The following CHIC1 variants were observed in gnomAD, a reference collection of about 807,000 sequenced individuals.
The protein encoded by CHIC1 is cysteine rich hydrophobic domain 1.
A neutral mutation model predicts 18.5 loss-of-function variants in CHIC1; 7 were observed. That is an observed-to-expected ratio of 0.38 (90% CI 0.22 to 0.71). The LOEUF is 0.71. Ranked by LOEUF, CHIC1 falls within the 30% of genes least tolerant of loss-of-function variation. The pLI is 0.49. For synonymous variants in CHIC1, 77 were observed against 73.5 expected, an observed-to-expected ratio of 1.05 and a Z score of -0.25; for missense variants, 159 against 176.9, an observed-to-expected ratio of 0.90 and a Z score of 0.57.
chrX:73,640,537 ATTAG>A (rs761390413), intron 3 of CHIC1, among the ~76,000 whole-genome samples: 1 of 111,397 alleles, frequency 9.0e-6, no homozygotes, highest in African/African-American at 3.3e-5. Flanking sequence ...AGAACTTGTT[ATTAG>A]TTAGTTCAGG....
rs776130498 is a variant in CHIC1, at chrX:73,563,464, GGAGGAGGAGGAA to G, written c.194_205del (p.Glu65_Glu68del). On this transcript the variant is annotated inframe_deletion, in exon 1 of 6. Coordinates refer to ENST00000373502, the MANE Select transcript of CHIC1 (RefSeq NM_001039840.4). ...AGGAAGAGGAGGAGGAGGAAGAAGAGGAGGAGGAGGAAGAGGAGGAGGAAGCGCCGCCCCCGC... is the reference window on the plus strand; with the variant it reads ...AGGAAGAGGAGGAGGAGGAAGAAGAGGAGGAGGAGGAAGCGCCGCCCCCGC... 5.4e-5 allele frequency: 62 copies of G among 1,151,405 alleles called. No homozygotes were observed. The highest frequency in any genetic ancestry group is 1.5e-4 in the African/African-American group (8 of 55,050). The allele number at this position is 1,151,405 out of a possible 1,213,427, so 94.9% of individuals were successfully genotyped here.
At chrX:73,648,897 A>T (rs1244708044) in intron 3 of CHIC1, among the ~76,000 whole-genome samples, 1 of 111,518 alleles carries the variant, frequency 9.0e-6, no homozygotes, top group Non-Finnish European at 1.9e-5. Flanking sequence ...ACACATGATC[A>T]TCAGACTCTC....
intron 4 of CHIC1, 55 bp from the exon 5 acceptor site, chrX:73,679,599 G>A (rs1245327972): frequency 1.3e-6 from 1 of 771,740 alleles, no homozygotes; most frequent in African/African-American, 2.1e-5. Context: ...AAATGTATAG[G>A]TTGTAATTAG....
intron 3 of CHIC1, among the ~76,000 whole-genome samples, chrX:73,594,595 G>A (rs776218331): frequency 5.3e-5 from 6 of 112,218 alleles, no homozygotes; most frequent in Non-Finnish European, 1.1e-4. Context: ...ATTTTACTCA[G>A]TAGTGTGCCT....
At chrX:73,651,064 A>G (rs2057913936) in intron 3 of CHIC1, among the ~76,000 whole-genome samples, 1 of 112,206 alleles carries the variant, frequency 8.9e-6, no homozygotes. Context: ...AATCCATCAC[A>G]TAAACAGAAC....
At chrX:73,596,197 A>G (rs997822842) in intron 3 of CHIC1, among the ~76,000 whole-genome samples, 3 of 111,696 alleles carry the variant, frequency 2.7e-5, no homozygotes, top group South Asian at 3.7e-4. Context: ...TACAAAATCA[A>G]TGTGCAAAAA....
chrX:73,642,158 T>C (rs369003124), intron 3 of CHIC1, among the ~76,000 whole-genome samples: 13 of 111,583 alleles, frequency 1.2e-4, no homozygotes, highest in Admixed American at 7.6e-4. Flanking sequence ...GTTCCTATTT[T>C]TCCACATCCT....
At chrX:73,603,046 G>A (rs2057659944) in intron 3 of CHIC1, among the ~76,000 whole-genome samples, 1 of 108,722 alleles carries the variant, frequency 9.2e-6, no homozygotes, top group Admixed American at 9.7e-5. Context: ...CTACTTCTGT[G>A]AAGAATGTTA....
At chrX:73,674,008 A>G (rs753005115) in intron 3 of CHIC1, among the ~76,000 whole-genome samples, 1 of 111,945 alleles carries the variant, frequency 8.9e-6, no homozygotes, top group African/African-American at 3.2e-5. Context: ...TGCGATAATC[A>G]TGTAGTTTTT....
intron 3 of CHIC1, among the ~76,000 whole-genome samples, chrX:73,611,852 C>T (rs1569502544): frequency 9.2e-6 from 1 of 108,160 alleles, no homozygotes; most frequent in Non-Finnish European, 1.9e-5. Context: ...CCTTTGCCCA[C>T]TTTTTGATGA....
At chrX:73,608,845 T>G (rs1167504319) in intron 3 of CHIC1, among the ~76,000 whole-genome samples, 4 of 108,093 alleles carry the variant, frequency 3.7e-5, no homozygotes, top group African/African-American at 1.4e-4. Flanking sequence ...TTTTACTTTT[T>G]CCTTTAAAAT....
chrX:73,665,949 C>A (rs771400088), intron 3 of CHIC1, among the ~76,000 whole-genome samples: 2 of 111,531 alleles, frequency 1.8e-5, no homozygotes, highest in Non-Finnish European at 3.8e-5. Flanking sequence ...TTAACATGGT[C>A]GCCCCCTTGG....
chrX:73,607,900 G>A (rs1046422379), intron 3 of CHIC1, among the ~76,000 whole-genome samples: 2 of 108,719 alleles, frequency 1.8e-5, no homozygotes, highest in African/African-American at 3.6e-5. Flanking sequence ...CACTGATCTC[G>A]CTGGGAGCTG....
At chrX:73,571,702 A>C (rs1463298271) in intron 1 of CHIC1, among the ~76,000 whole-genome samples, 1 of 111,538 alleles carries the variant, frequency 9.0e-6, no homozygotes, top group Non-Finnish European at 1.9e-5. Flanking sequence ...GAATTAATGA[A>C]GGATTTTTTT....
chrX:73,672,596 G>A (rs1240612035), intron 3 of CHIC1, among the ~76,000 whole-genome samples: 3 of 111,914 alleles, frequency 2.7e-5, no homozygotes, highest in African/African-American at 6.5e-5. Flanking sequence ...CATGTCCTTC[G>A]CCCACTTTTT....
chrX:73,626,038 AG>A (rs1250518162), intron 3 of CHIC1, among the ~76,000 whole-genome samples: 3 of 110,947 alleles, frequency 2.7e-5, no homozygotes, highest in Non-Finnish European at 5.7e-5. Context: ...GTTACTAGAA[AG>A]GGGTCCGGAT....
intron 1 of CHIC1, among the ~76,000 whole-genome samples, chrX:73,574,217 G>A (rs1413514638): frequency 1.8e-5 from 2 of 110,471 alleles, no homozygotes; most frequent in African/African-American, 6.5e-5. Flanking sequence ...CTGTTTATGT[G>A]GTAAATTACA....
At chrX:73,566,212 A>T (rs2057444152) in intron 1 of CHIC1, among the ~76,000 whole-genome samples, 1 of 109,066 alleles carries the variant, frequency 9.2e-6, no homozygotes, top group Admixed American at 9.9e-5. Flanking sequence ...GGTTGCCATC[A>T]TCTCCTGCTT....
intron 3 of CHIC1, among the ~76,000 whole-genome samples, chrX:73,607,875 A>T (rs1279681293): frequency 9.3e-6 from 1 of 107,860 alleles, no homozygotes; most frequent in Non-Finnish European, 1.9e-5. Context: ...AAGTGCAGAG[A>T]TCACCTGCCT....
Sources: gnomAD v4.1 joint callset for allele counts (sites outside exome capture counted in the v4.1 genomes callset) on GRCh38, gnomAD v4.1.1 for gene constraint, MANE v1.5 for transcripts, NCBI Gene and HGNC (gene_info 2026-07-23, HGNC 2026-07-21) for gene names.